DYM: variants seen among roughly 807,000 people sequenced by gnomAD.
The protein encoded by DYM is dymeclin, also known as dyggve-Melchior-Clausen syndrome protein.
A neutral mutation model predicts 93.1 loss-of-function variants in DYM; 78 were observed. That is an observed-to-expected ratio of 0.84 (90% CI 0.70 to 1.01). The LOEUF (loss-of-function observed/expected upper bound fraction) is 1.01, where lower values mean the gene tolerates loss of function less well. Ranked by LOEUF, DYM falls within the 50% of genes least tolerant of loss-of-function variation. DYM has a pLI of 0.00. For missense variants in DYM, 789 were observed against 845.0 expected, an observed-to-expected ratio of 0.93 and a Z score of 0.82; for synonymous variants, 321 against 319.7, an observed-to-expected ratio of 1.00 and a Z score of -0.04.
At chr18:49,370,800 A>G (rs2147518488) in intron 5 of DYM, among the ~76,000 whole-genome samples, 1 of 152,324 alleles carries the variant, frequency 6.6e-6, no homozygotes, top group East Asian at 1.9e-4. Flanking sequence ...TCATTGCAGC[A>G]TGGTGGAGTA....
At chr18:49,249,381 ATGTGTG>A (rs897320818) in intron 13 of DYM, among the ~76,000 whole-genome samples, 2 of 151,938 alleles carry the variant, frequency 1.3e-5, no homozygotes, top group African/African-American at 4.8e-5. Context: ...TGAATTGTGC[ATGTGTG>A]TGTGTGTAAT....
At position 49,042,501 on chromosome 18, in the gene DYM, C is replaced by T. The variant is rs2071000763; in HGVS notation, c.*1554G>A. The T allele has an allele frequency of 6.6e-6, 1 of 152,336 alleles. No homozygotes were observed. Among genetic ancestry groups the T allele is most frequent in the African/African-American group, 2.4e-5 (1 of 41,452 alleles). The allele number at this position is 152,336 out of a possible 1,614,324, so 9.4% of individuals were successfully genotyped here. ...AGGCTGCCAGTGTTTTGACCTTTTA[C>T]AGAGCTTGGGGTGACTGAGAATGGT... On this transcript the variant is annotated 3_prime_UTR_variant, in exon 18 of 18. Transcript: ENST00000675505.
At chr18:49,415,569 G>C (rs1004013800) in intron 2 of DYM, among the ~76,000 whole-genome samples, 2 of 151,780 alleles carry the variant, frequency 1.3e-5, no homozygotes, top group Non-Finnish European at 2.9e-5. Flanking sequence ...GCACCATCTA[G>C]TGCTCAGTAC....
intron 10 of DYM, among the ~76,000 whole-genome samples, chr18:49,273,556 A>C (rs2094767530): frequency 2.6e-5 from 4 of 152,076 alleles, no homozygotes; most frequent in Admixed American, 2.6e-4. Context: ...TCATATTTTT[A>C]CTGTACCCTT....
chr18:49,391,476 A>G, intron 3 of DYM, 117 bp downstream of exon 3: 2 of 1,083,526 alleles, frequency 1.8e-6, no homozygotes, highest in Admixed American at 1.8e-5. Context: ...AATAGAAAAA[A>G]TTATTACTAT....
At chr18:49,155,954 C>T (rs1169230645) in intron 15 of DYM, among the ~76,000 whole-genome samples, 1 of 152,172 alleles carries the variant, frequency 6.6e-6, no homozygotes, top group Admixed American at 6.5e-5. Flanking sequence ...CATGTGACAA[C>T]TCTGTGTTTA....
intron 14 of DYM, among the ~76,000 whole-genome samples, chr18:49,174,377 A>G (rs1470419175): frequency 1.3e-5 from 2 of 152,194 alleles, no homozygotes; most frequent in African/African-American, 4.8e-5. Context: ...AAGTGATGAC[A>G]TACAGAAGTA....
At chr18:49,069,226 A>C (rs1333606456) in intron 17 of DYM, among the ~76,000 whole-genome samples, 1 of 152,238 alleles carries the variant, frequency 6.6e-6, no homozygotes, top group Non-Finnish European at 1.5e-5. Flanking sequence ...ATCATACATT[A>C]AAGTCAGCAT....
At chr18:49,375,234 ATACC>A (rs145153270) in intron 5 of DYM, among the ~76,000 whole-genome samples, 3,710 of 150,434 alleles carry the variant, frequency 0.025, 153 homozygotes, top group African/African-American at 0.085. Flanking sequence ...ACACACATCT[ATACC>A]TACCTTGGGC....
intron 16 of DYM, among the ~76,000 whole-genome samples, chr18:49,104,020 G>A (rs357878): frequency 0.62 from 93,999 of 151,842 alleles, 31,625 homozygotes; most frequent in Non-Finnish European, 0.75. Context: ...CCATTATCAC[G>A]ATATTGATTC....
intron 15 of DYM, among the ~76,000 whole-genome samples, chr18:49,142,442 T>C (rs947413350): frequency 6.6e-6 from 1 of 152,208 alleles, no homozygotes; most frequent in Non-Finnish European, 1.5e-5. Context: ...ACATATGAAG[T>C]GATTTACCAA....
At chr18:49,214,401 T>C (rs1241331538) in intron 13 of DYM, among the ~76,000 whole-genome samples, 1 of 152,158 alleles carries the variant, frequency 6.6e-6, no homozygotes, top group Non-Finnish European at 1.5e-5. Flanking sequence ...CCTGATGATC[T>C]GATCTGAAGT....
chr18:49,130,911 C>T (rs2083322888), intron 15 of DYM, among the ~76,000 whole-genome samples: 1 of 152,150 alleles, frequency 6.6e-6, no homozygotes. Context: ...CTGGAGTCAG[C>T]CTTGAATCCC....
At chr18:49,192,258 C>T (rs1233582459) in intron 14 of DYM, among the ~76,000 whole-genome samples, 1 of 151,960 alleles carries the variant, frequency 6.6e-6, no homozygotes, top group Non-Finnish European at 1.5e-5. Context: ...ACATCAGTTT[C>T]CTTATCCATA....
intron 13 of DYM, among the ~76,000 whole-genome samples, chr18:49,242,338 T>C (rs2094034419): frequency 6.6e-6 from 1 of 152,110 alleles, no homozygotes; most frequent in Admixed American, 6.5e-5. Context: ...CGCTTGAAAC[T>C]GGGAGGCGGA....
At chr18:49,289,758 T>TATATATACAC (rs1568181165) in intron 8 of DYM, among the ~76,000 whole-genome samples, 42 of 38,142 alleles carry the variant, frequency 1.1e-3, no homozygotes, top group African/African-American at 2.8e-3. Context: ...TATATATATA[T>TATATATACAC]ATATATATAT....
At chr18:49,149,702 G>GTTTTTT (rs35259913) in intron 15 of DYM, among the ~76,000 whole-genome samples, 55 of 76,836 alleles carry the variant, frequency 7.2e-4, no homozygotes, top group East Asian at 2.7e-3. Flanking sequence ...ATTACAAAGT[G>GTTTTTT]TTTTTTTTTT....
intron 16 of DYM, among the ~76,000 whole-genome samples, chr18:49,107,664 A>C (rs930146339): frequency 1.3e-4 from 20 of 152,186 alleles, no homozygotes; most frequent in African/African-American, 4.8e-4. Flanking sequence ...AGTTTGCTGG[A>C]GGTCCACTCC....
At chr18:49,207,507 T>C (rs967467302) in intron 14 of DYM, among the ~76,000 whole-genome samples, 2 of 152,218 alleles carry the variant, frequency 1.3e-5, no homozygotes, top group African/African-American at 4.8e-5. Flanking sequence ...GTGAAGGTAT[T>C]TGCAGATGTG....
Sources: allele counts gnomAD v4.1 joint callset (sites outside exome capture counted in the v4.1 genomes callset), GRCh38; gene constraint gnomAD v4.1.1; transcripts MANE v1.5; gene names NCBI Gene and HGNC (gene_info 2026-07-23, HGNC 2026-07-21).